The following EPHA6 variants were observed in gnomAD, a reference collection of about 807,000 sequenced individuals.
EPHA6 encodes the protein EPH receptor A6.
In EPHA6, 50 loss-of-function variants were observed where a neutral mutation model predicts 112.0. That is an observed-to-expected ratio of 0.45 (90% CI 0.36 to 0.56). The LOEUF (loss-of-function observed/expected upper bound fraction) is 0.56, where lower values mean the gene tolerates loss of function less well. EPHA6 is among the 20% of genes least tolerant of loss of function. The pLI is 0.00. For missense variants in EPHA6, 1,280 were observed against 1,417.4 expected (o/e 0.90, Z 1.56); for synonymous variants, 529 against 490.7 (o/e 1.08, Z -1.03).
chr3:97,062,053 C>A (rs1225824824), intron 3 of EPHA6, among the ~76,000 whole-genome samples: 2 of 152,128 alleles, frequency 1.3e-5, no homozygotes, highest in Non-Finnish European at 2.9e-5. Context: ...GACTATATAG[C>A]TTCATTGTAT....
At chr3:96,994,761 A>AGAGAGAGC (rs2043353407) in intron 3 of EPHA6, among the ~76,000 whole-genome samples, 1 of 137,084 alleles carries the variant, frequency 7.3e-6, no homozygotes, top group African/African-American at 2.8e-5. Context: ...AGAGAGAGAG[A>AGAGAGAGC]GCTATATATA....
At chr3:97,645,206 A>G (rs989980697) in intron 14 of EPHA6, among the ~76,000 whole-genome samples, 5 of 150,846 alleles carry the variant, frequency 3.3e-5, no homozygotes, top group African/African-American at 1.2e-4. Context: ...CTATAAAGAC[A>G]CATGCACACG....
chr3:97,485,725 A>G (rs2091683899), intron 10 of EPHA6, among the ~76,000 whole-genome samples: 1 of 152,208 alleles, frequency 6.6e-6, no homozygotes, highest in Admixed American at 6.5e-5. Flanking sequence ...AATTATATTC[A>G]TTTAGCTTTG....
At chr3:97,325,685 G>C (rs563203258) in intron 5 of EPHA6, among the ~76,000 whole-genome samples, 3 of 152,004 alleles carry the variant, frequency 2.0e-5, no homozygotes, top group African/African-American at 7.2e-5. Flanking sequence ...GTTTCCTTTG[G>C]CTTCTGATAA....
At chr3:97,214,034 T>TGA (rs1362165344) in intron 3 of EPHA6, among the ~76,000 whole-genome samples, 8 of 131,674 alleles carry the variant, frequency 6.1e-5, no homozygotes, top group African/African-American at 2.1e-4. Context: ...TGTGTGTGTG[T>TGA]GTGTGAGAGA....
chr3:96,945,604 A>G (rs1193876161), intron 2 of EPHA6, among the ~76,000 whole-genome samples: 1 of 152,044 alleles, frequency 6.6e-6, no homozygotes, highest in Non-Finnish European at 1.5e-5. Context: ...GATATTACCT[A>G]TTTTTCTAGG....
At chr3:96,864,397 A>G (rs1195413515) in intron 1 of EPHA6, among the ~76,000 whole-genome samples, 3 of 152,142 alleles carry the variant, frequency 2.0e-5, no homozygotes, top group Non-Finnish European at 4.4e-5. Flanking sequence ...ACATGCAGTG[A>G]CATAGATGGA....
At chr3:97,327,476 T>C (rs2082489958) in intron 5 of EPHA6, among the ~76,000 whole-genome samples, 1 of 151,904 alleles carries the variant, frequency 6.6e-6, no homozygotes, top group Non-Finnish European at 1.5e-5. Context: ...CTTGTCCTCA[T>C]TTATATGTGT....
intron 3 of EPHA6, among the ~76,000 whole-genome samples, chr3:97,013,400 A>G (rs2044157912): frequency 6.6e-6 from 1 of 152,126 alleles, no homozygotes; most frequent in Non-Finnish European, 1.5e-5. Context: ...GTAGGTTCTC[A>G]TGTTTTTCTC....
At chr3:97,678,285 G>A (rs1576270513) in intron 14 of EPHA6, among the ~76,000 whole-genome samples, 1 of 152,160 alleles carries the variant, frequency 6.6e-6, no homozygotes, top group African/African-American at 2.4e-5. Context: ...AGAGGAAGAT[G>A]TGTTCTCAAA....
chr3:97,435,915 A>T (rs554608107), intron 6 of EPHA6, among the ~76,000 whole-genome samples: 1 of 152,308 alleles, frequency 6.6e-6, no homozygotes, highest in East Asian at 1.9e-4. Context: ...ATATTTTCAC[A>T]TTCAAATGTT....
intron 3 of EPHA6, among the ~76,000 whole-genome samples, chr3:97,005,354 A>C (rs1359625966): frequency 6.6e-6 from 1 of 152,036 alleles, no homozygotes; most frequent in Non-Finnish European, 1.5e-5. Context: ...CTGTATTCCT[A>C]GGTATATTAT....
intron 11 of EPHA6, among the ~76,000 whole-genome samples, chr3:97,571,941 A>AT (rs1292031235): frequency 6.6e-6 from 1 of 152,172 alleles, no homozygotes; most frequent in East Asian, 1.9e-4. Context: ...GCTTTTCCAT[A>AT]TACCTCTACT....
At chr3:96,881,583 A>G (rs1455074869) in intron 2 of EPHA6, among the ~76,000 whole-genome samples, 1 of 152,166 alleles carries the variant, frequency 6.6e-6, no homozygotes, top group African/African-American at 2.4e-5. Flanking sequence ...GAGCCAAACC[A>G]TATTATTCTG....
At chr3:97,255,212 C>T (rs2079271232) in intron 5 of EPHA6, among the ~76,000 whole-genome samples, 2 of 151,272 alleles carry the variant, frequency 1.3e-5, no homozygotes, top group Admixed American at 1.3e-4. Context: ...CTCAGTTATT[C>T]TCTCAAATGA....
At chr3:97,552,517 G>A (rs1328468822) in intron 11 of EPHA6, among the ~76,000 whole-genome samples, 1 of 152,158 alleles carries the variant, frequency 6.6e-6, no homozygotes, top group Non-Finnish European at 1.5e-5. Context: ...GGAATGAGGA[G>A]TGTATTTTGT....
At chr3:97,339,890 T>A (rs916129038) in intron 5 of EPHA6, among the ~76,000 whole-genome samples, 2 of 152,158 alleles carry the variant, frequency 1.3e-5, no homozygotes, top group African/African-American at 4.8e-5. Flanking sequence ...CAGAAGGTCA[T>A]AAAACAGAAT....
intron 4 of EPHA6, among the ~76,000 whole-genome samples, chr3:97,238,860 C>T (rs1331271362): frequency 6.6e-6 from 1 of 151,806 alleles, no homozygotes; most frequent in Non-Finnish European, 1.5e-5. Flanking sequence ...GGACGGGGGC[C>T]TGGTATGAAG....
intron 3 of EPHA6, among the ~76,000 whole-genome samples, chr3:97,189,627 A>G (rs963685246): frequency 6.6e-6 from 1 of 152,002 alleles, no homozygotes; most frequent in East Asian, 1.9e-4. Flanking sequence ...ATCTCTTCTC[A>G]CACTTTTCAC....
Sources: allele counts gnomAD v4.1 joint callset (sites outside exome capture counted in the v4.1 genomes callset), GRCh38; gene constraint gnomAD v4.1.1; transcripts MANE v1.5; gene names NCBI Gene and HGNC (gene_info 2026-07-23, HGNC 2026-07-21).